PLAUR: variants seen among roughly 807,000 people sequenced by gnomAD.
PLAUR encodes the protein plasminogen activator, urokinase receptor.
In PLAUR, 22 loss-of-function variants were observed where a neutral mutation model predicts 33.4. The observed-to-expected ratio is 0.66, with a 90% CI of 0.47 to 0.94. PLAUR has a LOEUF of 0.94. PLAUR is among the 40% of genes least tolerant of loss of function. The pLI is 0.00. For missense variants in PLAUR, 408 were observed against 434.7 expected, an observed-to-expected ratio of 0.94 and a Z score of 0.55; for synonymous variants, 148 against 167.3, an observed-to-expected ratio of 0.88 and a Z score of 0.89.
intron 5 of PLAUR, among the ~76,000 whole-genome samples, 153 bp downstream of exon 5, chr19:43,655,276 CAAAAAAAAAA>C (rs34689348): frequency 3.0e-5 from 2 of 66,190 alleles, no homozygotes; most frequent in East Asian, 1.1e-3. Flanking sequence ...GACTCCGTCT[CAAAAAAAAAA>C]AAAAAAAAAA....
intron 3 of PLAUR, among the ~76,000 whole-genome samples, chr19:43,658,042 TA>T (rs796280819): frequency 2.3e-3 from 325 of 142,078 alleles, no homozygotes; most frequent in Admixed American, 3.3e-3. Flanking sequence ...GTCTTTAAAT[TA>T]AAAAAAAAAA....
chr19:43,666,557 CTT>C (rs1006666351), intron 2 of PLAUR, among the ~76,000 whole-genome samples: 8 of 139,618 alleles, frequency 5.7e-5, no homozygotes, highest in Admixed American at 1.5e-4. Flanking sequence ...CTCTCTCTCT[CTT>C]CCTTTCCTTT....
downstream of PLAUR, among the ~76,000 whole-genome samples, chr19:43,646,757 C>T (rs1159092936): frequency 6.6e-6 from 1 of 151,410 alleles, no homozygotes; most frequent in Non-Finnish European, 1.5e-5. Flanking sequence ...AACCTTGTCC[C>T]TCACCTGCCC....
At chr19:43,651,083 T>A (rs113920206) in intron 6 of PLAUR, among the ~76,000 whole-genome samples, 79 of 152,202 alleles carry the variant, frequency 5.2e-4, no homozygotes, top group East Asian at 9.6e-4. Flanking sequence ...AATTTTATTT[T>A]ATTTTATTTT....
intron 3 of PLAUR, among the ~76,000 whole-genome samples, chr19:43,661,967 A>G (rs2033761141): frequency 6.6e-6 from 1 of 152,046 alleles, no homozygotes; most frequent in South Asian, 2.1e-4. Flanking sequence ...CCTGGGATCA[A>G]GCAGTCCTCC....
chr19:43,656,440 A>T (rs1974212042), intron 4 of PLAUR, 39 bp downstream of exon 4: 1 of 1,529,038 alleles, frequency 6.5e-7, no homozygotes, highest in Non-Finnish European at 8.8e-7. Context: ...AGGGAGGAGC[A>T]GAGCAGGGAG....
chr19:43,668,204 C>T (rs1967348548), intron 1 of PLAUR: 2 of 987,262 alleles, frequency 2.0e-6, no homozygotes, highest in African/African-American at 1.7e-5. Context: ...CAGAGCCTCT[C>T]CCGGCCCACT....
intron 3 of PLAUR, among the ~76,000 whole-genome samples, chr19:43,661,891 T>C (rs1967013844): frequency 6.6e-6 from 1 of 152,068 alleles, no homozygotes; most frequent in Non-Finnish European, 1.5e-5. Flanking sequence ...CGGCTTTGGT[T>C]GAGACAGGGT....
intron 1 of PLAUR, chr19:43,668,091 T>C: frequency 2.9e-6 from 3 of 1,024,576 alleles, no homozygotes; most frequent in Non-Finnish European, 3.5e-6. Context: ...GCTGGGGACG[T>C]TCTAGCCTTG....
intron 4 of PLAUR, among the ~76,000 whole-genome samples, chr19:43,656,261 T>A (rs4239527): frequency 0.29 from 39,667 of 138,180 alleles, 6,581 homozygotes; most frequent in African/African-American, 0.46. Context: ...TCTCAAAAAA[T>A]AAATAAATAA....
At chr19:43,657,802 T>G (rs1974275253) in intron 3 of PLAUR, among the ~76,000 whole-genome samples, 1 of 152,208 alleles carries the variant, frequency 6.6e-6, no homozygotes, top group African/African-American at 2.4e-5. Flanking sequence ...ATTTGTTAAA[T>G]GAATGAATGA....
intron 3 of PLAUR, among the ~76,000 whole-genome samples, chr19:43,657,931 A>C (rs1162399989): frequency 6.6e-6 from 1 of 152,120 alleles, no homozygotes; most frequent in Non-Finnish European, 1.5e-5. Context: ...GGCTGGGTGC[A>C]GCAGCTCATG....
intron 3 of PLAUR, among the ~76,000 whole-genome samples, chr19:43,659,082 T>C (rs1974326016): frequency 6.6e-6 from 1 of 151,858 alleles, no homozygotes. Context: ...TTCTGCCCAC[T>C]CTGGGTGGTC....
intron 6 of PLAUR, among the ~76,000 whole-genome samples, chr19:43,650,890 G>A (rs1234033266): frequency 6.6e-6 from 1 of 151,600 alleles, no homozygotes; most frequent in Non-Finnish European, 1.5e-5. Flanking sequence ...AAAATAAGCT[G>A]GGCATGGTGG....
At position 43,662,492 on chromosome 19, in the gene PLAUR, C is replaced by A. The variant is rs181677604; in HGVS notation, c.310+2824G>T. On this transcript the variant is annotated intron_variant, in intron 3 of 6. Transcript: ENST00000340093. The stretch of plus-strand genomic sequence containing the variant: ...CAGCCTGGGCAAAAAGAGCGAAACT[C>A]CATCTCAAAAATAAATAAATAAATA... Among the ~76,000 whole-genome samples, 510 of 152,204 alleles carry A rather than the reference C, an allele frequency of 3.4e-3. 2 individuals are homozygous for A. Among genetic ancestry groups the A allele is most frequent in the Non-Finnish European group, 3.2e-3 (220 of 68,028 alleles).
At chr19:43,668,108 C>G (rs923334311) in intron 1 of PLAUR, 1 of 1,010,392 alleles carries the variant, frequency 9.9e-7, no homozygotes. Flanking sequence ...CTTGCCCCAC[C>G]CGCGTCGATC....
At position 43,665,423 on chromosome 19, in the gene PLAUR, G is replaced by T. The variant is rs1213129703; in HGVS notation, c.203C>A (p.Thr68Asn). The T allele has an allele frequency of 6.2e-7, 1 of 1,613,340 alleles. No individual in the cohort carries two copies. The highest frequency in any genetic ancestry group is 8.5e-7 in the Non-Finnish European group (1 of 1,179,868). Residue 68 changes from threonine to asparagine, a missense_variant, in exon 3 of 7, where the codon ACC becomes AAC. Physicochemically the swap from Thr to Asn is moderately conservative, Grantham distance 65 (BLOSUM62 0). Transcript: ENST00000340093. Reference protein sequence around the residue: ...EELELVEKSCTHSEKTNRTLS... With the variant: ...EELELVEKSCNHSEKTNRTLS... ...GGTCCTGTTGGTCTTCTCTGAGTGG[G>T]TACAGCTTTTCTCCACCAGCTCCAG...
chr19:43,655,458 G>A lies in PLAUR; in HGVS notation c.588C>T (p.Thr196=). Residue 196 remains threonine (T), a synonymous_variant, in exon 5 of 7, where the codon ACC becomes ACT. Transcript: ENST00000340093. ...CCTTACTTGGGCCCTCGTTGCATTT[G>A]GTGGTGTTGCAGCATTTCAGGAAGT... ...TFHFLKCCNT[T]KCNEGPILEL... 1.9e-6 allele frequency: 3 copies of A among 1,614,138 alleles called. No individual in the cohort carries two copies. The highest frequency in any genetic ancestry group is 2.5e-6 in the Non-Finnish European group (3 of 1,180,008).
At chr19:43,660,325 C>T (rs955070132) in intron 3 of PLAUR, among the ~76,000 whole-genome samples, 28 of 124,436 alleles carry the variant, frequency 2.3e-4, no homozygotes, top group African/African-American at 9.9e-4. Context: ...GCCACCATAC[C>T]CGGCTAATTT....
Sources: gnomAD v4.1 joint callset for allele counts (sites outside exome capture counted in the v4.1 genomes callset) on GRCh38, gnomAD v4.1.1 for gene constraint, MANE v1.5 for transcripts, NCBI Gene and HGNC (gene_info 2026-07-23, HGNC 2026-07-21) for gene names.